The following CA10 variants were observed in gnomAD, a reference collection of about 807,000 sequenced individuals.
CA10 encodes carbonic anhydrase-related protein 10.
A neutral mutation model predicts 44.2 loss-of-function variants in CA10; 14 were observed. The observed-to-expected ratio is 0.32, with a 90% CI of 0.21 to 0.50. The LOEUF is 0.50. Among genes scored for constraint, CA10 ranks in the 20% least tolerant of loss-of-function variants. CA10 has a pLI of 0.99. For synonymous variants in CA10, 159 were observed against 141.6 expected (o/e 1.12, Z -0.87); for missense variants, 350 against 409.7 (o/e 0.85, Z 1.26).
chr17:51,698,677 G>A (rs1470243380), intron 4 of CA10, among the ~76,000 whole-genome samples: 1 of 152,008 alleles, frequency 6.6e-6, no homozygotes, highest in African/African-American at 2.4e-5. Context: ...TATTAATTTT[G>A]TATACTGATA....
chr17:52,052,571 C>T lies in CA10; in HGVS notation c.136+19748G>A, dbSNP rs1012477304. On this transcript the variant is annotated intron_variant, in intron 2 of 8. Coordinates refer to ENST00000451037, the MANE Select transcript of CA10 (RefSeq NM_020178.5). ...CTTCAATAAATATGAACAAGTGGTA[C>T]TTGTAAGACCAGGAATTTTGAGGAG... Among the ~76,000 whole-genome samples, 22 of 152,084 alleles carry T rather than the reference C, an allele frequency of 1.4e-4. No homozygotes were observed. The East Asian group carries it at 2.1e-3, about 15-fold the overall frequency.
At chr17:52,030,420 C>A (rs1986430575) in intron 2 of CA10, among the ~76,000 whole-genome samples, 2 of 152,128 alleles carry the variant, frequency 1.3e-5, no homozygotes, top group Non-Finnish European at 2.9e-5. Flanking sequence ...GATGTTCAGG[C>A]TGACAAAGGA....
At chr17:51,959,160 A>G (rs1281302720) in intron 2 of CA10, among the ~76,000 whole-genome samples, 2 of 151,834 alleles carry the variant, frequency 1.3e-5, no homozygotes, top group South Asian at 2.1e-4. Context: ...AAAGCCTTAG[A>G]CTAGTGAAAG....
rs1208541140 is a variant in CA10 at position 51,793,311 on chromosome 17, AAAT to A, written c.280-45496_280-45494del. Among the ~76,000 whole-genome samples the A allele has an allele frequency of 2.0e-5, 3 of 152,168 alleles. No homozygotes were observed. In the East Asian group the frequency reaches 5.8e-4, roughly 29 times the overall value. On this transcript the variant is annotated intron_variant, in intron 3 of 8. Transcript: ENST00000451037. ...TGGGGGAAAAAATCAAGGAAACAAA[AAAT>A]AATATGTTATGGAAACCATGTGGTT...
intron 3 of CA10, among the ~76,000 whole-genome samples, chr17:51,858,632 A>G (rs889832882): frequency 1.3e-5 from 2 of 152,320 alleles, no homozygotes; most frequent in Admixed American, 6.5e-5. Flanking sequence ...TGCACCAACA[A>G]TTACATTTTT....
chr17:51,805,396 A>G (rs1172217313), intron 3 of CA10, among the ~76,000 whole-genome samples: 1 of 152,202 alleles, frequency 6.6e-6, no homozygotes, highest in African/African-American at 2.4e-5. Context: ...CAATTGAGTA[A>G]CGAAGACAAT....
intron 4 of CA10, among the ~76,000 whole-genome samples, chr17:51,739,955 A>G (rs1904391334): frequency 6.6e-6 from 1 of 152,168 alleles, no homozygotes; most frequent in East Asian, 1.9e-4. Flanking sequence ...TTTCTGGTAC[A>G]CAGGTTCTCA....
chr17:51,720,893 G>A lies in CA10; in HGVS notation c.465+26740C>T, dbSNP rs986773992. On this transcript the variant is annotated intron_variant, in intron 4 of 8. Coordinates refer to ENST00000451037, the MANE Select transcript of CA10 (RefSeq NM_020178.5). The stretch of plus-strand genomic sequence containing the variant: ...TATACTTTAAAATTGCTAATAGATT[G>A]TTAACATTCTCACCATAAAAAAATG... Among the ~76,000 whole-genome samples the A allele has an allele frequency of 7.9e-5, 12 of 152,216 alleles. No individual in the cohort carries two copies. In the South Asian group the frequency reaches 2.5e-3, roughly 32 times the overall value.
chr17:52,061,289 T>C (rs1987378077), intron 2 of CA10, among the ~76,000 whole-genome samples: 1 of 152,126 alleles, frequency 6.6e-6, no homozygotes, highest in Non-Finnish European at 1.5e-5. Flanking sequence ...AAGCACAGGC[T>C]GGAGCCATGC....
chr17:51,926,126 A>G (rs1982418601), intron 3 of CA10, among the ~76,000 whole-genome samples: 1 of 152,190 alleles, frequency 6.6e-6, no homozygotes, highest in East Asian at 1.9e-4. Context: ...GACCAAACAC[A>G]GGACCCATAT....
At chr17:52,086,571 C>T (rs2143193813) in intron 1 of CA10, among the ~76,000 whole-genome samples, 1 of 152,188 alleles carries the variant, frequency 6.6e-6, no homozygotes, top group East Asian at 1.9e-4. Flanking sequence ...AAATGTAGTC[C>T]AGCTGTGGAC....
At chr17:51,999,648 T>C (rs1019648669) in intron 2 of CA10, among the ~76,000 whole-genome samples, 9 of 152,034 alleles carry the variant, frequency 5.9e-5, no homozygotes, top group African/African-American at 1.9e-4. Context: ...CAGCTCTTCC[T>C]GCAGATCATT....
intron 4 of CA10, among the ~76,000 whole-genome samples, chr17:51,675,023 C>T (rs1230924794): frequency 6.6e-6 from 1 of 152,218 alleles, no homozygotes; most frequent in East Asian, 1.9e-4. Flanking sequence ...ATCTTCAGCA[C>T]ACAGCCTGTT....
intron 3 of CA10, among the ~76,000 whole-genome samples, chr17:51,877,018 C>T (rs148952923): frequency 5.9e-5 from 9 of 152,340 alleles, no homozygotes; most frequent in African/African-American, 2.2e-4. Context: ...ATTCTCCTCA[C>T]TTGAGAAAGT....
intron 3 of CA10, among the ~76,000 whole-genome samples, chr17:51,876,162 T>G (rs985187598): frequency 7.4e-4 from 11 of 14,842 alleles, no homozygotes; most frequent in Non-Finnish European, 1.5e-3. Context: ...CTTCTCTCGT[T>G]TTTTTTTTTT....
chr17:51,710,994 A>G (rs1915928784), intron 4 of CA10, among the ~76,000 whole-genome samples: 2 of 151,048 alleles, frequency 1.3e-5, no homozygotes, highest in Admixed American at 6.6e-5. Flanking sequence ...AGAGTAGCAG[A>G]AAATGCTGAT....
At chr17:51,756,136 CA>C (rs1254974726) in intron 3 of CA10, among the ~76,000 whole-genome samples, 1 of 151,684 alleles carries the variant, frequency 6.6e-6, no homozygotes, top group East Asian at 1.9e-4. Flanking sequence ...TATAAAAATA[CA>C]TAACTATAAA....
chr17:51,914,271 C>A (rs546263828), intron 3 of CA10, among the ~76,000 whole-genome samples: 1 of 152,162 alleles, frequency 6.6e-6, no homozygotes, highest in Admixed American at 6.5e-5. Flanking sequence ...AGAGAGAGCA[C>A]CATTGCCATT....
intron 3 of CA10, among the ~76,000 whole-genome samples, chr17:51,776,273 G>A (rs1905817000): frequency 6.6e-6 from 1 of 152,132 alleles, no homozygotes; most frequent in South Asian, 2.1e-4. Context: ...TACTCGGGAG[G>A]CTGAGGCAGG....
Sources: gnomAD v4.1 joint callset for allele counts (sites outside exome capture counted in the v4.1 genomes callset) on GRCh38, gnomAD v4.1.1 for gene constraint, MANE v1.5 for transcripts, NCBI Gene and HGNC (gene_info 2026-07-23, HGNC 2026-07-21) for gene names.